Variants in ZNF644 observed in about 807,000 individuals in gnomAD.
ZNF644 encodes the protein zinc finger motif enhancer binding protein 2.
In ZNF644, 20 loss-of-function variants were observed where a neutral mutation model predicts 108.0. The observed-to-expected ratio is 0.19, with a 90% CI of 0.13 to 0.27. The LOEUF is 0.27. ZNF644 is among the 10% of genes least tolerant of loss of function. The pLI is 1.00. For synonymous variants in ZNF644, 542 were observed against 539.1 expected, an observed-to-expected ratio of 1.01 and a Z score of -0.08; for missense variants, 1,338 against 1,548.9, an observed-to-expected ratio of 0.86 and a Z score of 2.29.
At chr1:91,003,657 T>A (rs1234058685) in intron 1 of ZNF644, among the ~76,000 whole-genome samples, 3 of 151,458 alleles carry the variant, frequency 2.0e-5, no homozygotes, top group Non-Finnish European at 4.4e-5. Context: ...ATTGTGCACA[T>A]GTACCCTAGA....
chr1:91,014,022 T>G (rs1660208511), intron 1 of ZNF644, among the ~76,000 whole-genome samples: 1 of 152,196 alleles, frequency 6.6e-6, no homozygotes, highest in Non-Finnish European at 1.5e-5. Flanking sequence ...ACAATCTATT[T>G]ATAAATGCCC....
chr1:90,940,177 C>T lies in ZNF644; in HGVS notation c.1177G>A (p.Glu393Lys), dbSNP rs1651799312. 6.2e-7 allele frequency: 1 copy of T among 1,613,876 alleles called. No individual in the cohort carries two copies. Among genetic ancestry groups the T allele is most frequent in the Admixed American group, 1.7e-5 (1 of 59,988 alleles). ...GTAGCAGGTGACTCAGAATCACTCT[C>T]TTCACATTTCTTTTTTAAGGTATTT... ...LSNTLKKKCE[E>K]SDSESPATFS... Residue 393 changes from glutamate (E) to lysine (K), a missense_variant, in exon 3 of 6, where the codon GAG becomes AAG. Around this residue, in one of 6 missense-constraint regions of ZNF644, gnomAD observed 464 missense variants for 457.9 expected, o/e 1.01. Coordinates refer to ENST00000337393, the MANE Select transcript of ZNF644 (RefSeq NM_201269.3).
intron 1 of ZNF644, among the ~76,000 whole-genome samples, chr1:90,997,748 G>A (rs1336670892): frequency 3.9e-5 from 6 of 152,302 alleles, no homozygotes; most frequent in African/African-American, 1.2e-4. Context: ...GCGAGGCATC[G>A]CCTCACCCGG....
At position 90,940,095 on chromosome 1, in the gene ZNF644, C is replaced by T. The variant is rs1385730738; in HGVS notation, c.1259G>A (p.Arg420Lys). ...YPCTKCNVNF[R>K]EKKHLHRHMM... ...ATGCCTGTGGAGGTGCTTCTTCTCC[C>T]TAAAATTCACATTGCACTTTGTACA... Residue 420 changes from arginine (R) to lysine (K), a missense_variant, in exon 3 of 6, where the codon AGG becomes AAG. This residue lies in a region of ZNF644 where 80 missense variants were observed against 183.0 expected (regional missense o/e 0.44). Coordinates refer to ENST00000337393, the MANE Select transcript of ZNF644 (RefSeq NM_201269.3). The T allele has an allele frequency of 1.9e-6, 3 of 1,614,064 alleles. No individual in the cohort carries two copies. Among genetic ancestry groups the T allele is most frequent in the Non-Finnish European group, 2.5e-6 (3 of 1,179,968 alleles).
chr1:90,926,046 A>G (rs1298372858), intron 4 of ZNF644, among the ~76,000 whole-genome samples: 3 of 151,878 alleles, frequency 2.0e-5, no homozygotes, highest in African/African-American at 7.3e-5. Context: ...AAAGAAACCA[A>G]CCCTTTCAAA....
At position 90,938,102 on chromosome 1, in the gene ZNF644, T is replaced by A. The variant is rs199877467; in HGVS notation, c.3083-12A>T. The stretch of plus-strand genomic sequence containing the variant: ...AGACTTCTCTATAGCTAGAAAAAAA[T>A]TTTTAAGAGTAATATCAGACTTTCT... On this transcript the variant is annotated splice_polypyrimidine_tract_variant and intron_variant, in intron 3 of 5. Coordinates refer to ENST00000337393, the MANE Select transcript of ZNF644 (RefSeq NM_201269.3). The surrounding 1 kb of genome is among the most constrained non-coding windows in gnomAD (Gnocchi z 4.2). 2.8e-5 allele frequency: 45 copies of A among 1,610,466 alleles called. No individual in the cohort carries two copies. Among genetic ancestry groups the A allele is most frequent in the Non-Finnish European group, 3.3e-5 (39 of 1,179,344 alleles).
At chr1:90,953,685 C>T (rs943884563) in intron 2 of ZNF644, among the ~76,000 whole-genome samples, 2 of 152,182 alleles carry the variant, frequency 1.3e-5, no homozygotes, top group African/African-American at 2.4e-5. Flanking sequence ...GAGGCTGAGG[C>T]GGATGAATCA....
intron 1 of ZNF644, among the ~76,000 whole-genome samples, chr1:90,985,997 T>A (rs1472752182): frequency 6.6e-6 from 1 of 152,162 alleles, no homozygotes; most frequent in African/African-American, 2.4e-5. Flanking sequence ...CAAATAAATT[T>A]TTTTAAAAAA....
chr1:90,973,708 A>G (rs552882626), intron 2 of ZNF644, among the ~76,000 whole-genome samples: 1 of 152,138 alleles, frequency 6.6e-6, no homozygotes, highest in Non-Finnish European at 1.5e-5. Flanking sequence ...TTACCAGTTT[A>G]AAAAATAGAA....
chr1:91,012,567 C>A (rs1268108496), intron 1 of ZNF644, among the ~76,000 whole-genome samples: 1 of 152,094 alleles, frequency 6.6e-6, no homozygotes, highest in East Asian at 1.9e-4. Context: ...GTGGTTACTT[C>A]TGTAGGGAGA....
chr1:90,978,869 C>T (rs889030209), intron 2 of ZNF644, among the ~76,000 whole-genome samples: 8 of 150,548 alleles, frequency 5.3e-5, no homozygotes, highest in Non-Finnish European at 1.0e-4. Flanking sequence ...GGTCTATATA[C>T]GGTAAGAATC....
intron 2 of ZNF644, among the ~76,000 whole-genome samples, 157 bp from the exon 3 acceptor site, chr1:90,941,466 TG>T (rs1178416716): frequency 1.3e-5 from 2 of 152,112 alleles, no homozygotes; most frequent in Admixed American, 1.3e-4. Context: ...ACAAACATAT[TG>T]AAATATTTAA....
In ZNF644 at chr1:90,940,787, A is replaced by C; in HGVS notation, c.567T>G (p.His189Gln). 6.2e-7 allele frequency: 1 copy of C among 1,613,946 alleles called. No individual in the cohort carries two copies. The highest frequency in any genetic ancestry group is 8.5e-7 in the Non-Finnish European group (1 of 1,179,968). Residue 189 changes from histidine (H) to glutamine (Q), a missense_variant, in exon 3 of 6, where the codon CAT becomes CAG. His to Gln is a conservative substitution (Grantham distance 24, BLOSUM62 0). This residue lies in a region of ZNF644 where 464 missense variants were observed against 457.9 expected (regional missense o/e 1.01). Transcript: ENST00000337393. ...SDVAHAKNPT[H>Q]SNKKLPTSAS... ...CAGAGGTAGGTAGTTTTTTATTGGA[A>C]TGGGTGGGATTCTTAGCATGTGCTA...
intron 2 of ZNF644, among the ~76,000 whole-genome samples, chr1:90,979,465 C>T (rs1001886305): frequency 6.6e-6 from 1 of 152,128 alleles, no homozygotes; most frequent in Admixed American, 6.6e-5. Context: ...AAGAGCGAAA[C>T]TCCATCTCAA....
In ZNF644 at chr1:90,937,570, T is replaced by A. The variant is rs769896481; in HGVS notation, c.3603A>T (p.Arg1201Ser). ...ATGGAAGAACGCATTTCTGAACGAA[T>A]CTCTTTCTTGCTGTCTGATTATGGA... is the stretch of plus-strand genomic sequence containing the variant. Reference protein sequence around the residue: ...QKIHNQTARKRFVQKCVLPLN... With the variant: ...QKIHNQTARKSFVQKCVLPLN... The change falls in exon 4 of 6, where the codon AGA (arginine) becomes AGT (serine). Residue 1201 changes from arginine to serine, a missense_variant. Physicochemically the swap from Arg to Ser is moderately radical, Grantham distance 110 (BLOSUM62 -1). This residue lies in a region of ZNF644 where 287 missense variants were observed against 310.9 expected (regional missense o/e 0.92). Transcript: ENST00000337393. The A allele has an allele frequency of 1.2e-6, 2 of 1,613,944 alleles. No individual in the cohort carries two copies. The highest frequency in any genetic ancestry group is 1.7e-6 in the Non-Finnish European group (2 of 1,179,834).
intron 1 of ZNF644, among the ~76,000 whole-genome samples, chr1:91,011,839 C>A (rs1203140833): frequency 2.0e-5 from 3 of 152,112 alleles, no homozygotes; most frequent in African/African-American, 7.2e-5. Flanking sequence ...ACCTAAAATG[C>A]CTAATAGCTA....
At chr1:90,958,232 T>TAAAAAAAAAA (rs777224217) in intron 2 of ZNF644, among the ~76,000 whole-genome samples, 1 of 41,384 alleles carries the variant, frequency 2.4e-5, no homozygotes, top group African/African-American at 8.9e-5. Context: ...GCAAAACTCC[T>TAAAAAAAAAA]AAAAAAAAAA....
chr1:90,923,299 T>C (rs948478727), intron 4 of ZNF644, among the ~76,000 whole-genome samples: 1 of 151,788 alleles, frequency 6.6e-6, no homozygotes, highest in Non-Finnish European at 1.5e-5. Flanking sequence ...CTATCATAAA[T>C]GAGAAAGGCT....
rs144282742 is a variant in ZNF644, at chr1:90,965,363, C to T, written c.44+16947G>A. On this transcript the variant is annotated intron_variant, in intron 2 of 5. Transcript: ENST00000337393. ...CATCGTCTTCCTTCTATTAGTGTCT[C>T]GGTATCCAAATTTCTCCTTTTTATA... Among the ~76,000 whole-genome samples, 146 of 152,202 alleles carry T rather than the reference C, an allele frequency of 9.6e-4. 2 individuals are homozygous for T. Among genetic ancestry groups the T allele is most frequent in the Middle Eastern group, 6.8e-3 (2 of 294 alleles).
Sources: allele counts gnomAD v4.1 joint callset (sites outside exome capture counted in the v4.1 genomes callset), GRCh38; gene constraint gnomAD v4.1.1; regional missense constraint gnomAD v4.1.1; non-coding constraint Gnocchi (gnomAD v3.1); transcripts MANE v1.5; gene names NCBI Gene and HGNC (gene_info 2026-07-23, HGNC 2026-07-21).